CDH20: variants seen among roughly 807,000 people sequenced by gnomAD.
CDH20 encodes the protein cadherin 20, also known as cadherin-20.
Under a neutral mutation model 74.2 loss-of-function variants are expected in CDH20, and 29 were observed. The observed-to-expected ratio is 0.39, with a 90% CI of 0.29 to 0.53. CDH20 has a LOEUF of 0.53. Ranked by LOEUF, CDH20 falls within the 20% of genes least tolerant of loss-of-function variation. The probability of loss-of-function intolerance (pLI) is 0.69; values close to 1 mark genes in which losing one functional copy is unlikely to be tolerated. For missense variants in CDH20, 988 were observed against 1,048.3 expected (o/e 0.94, Z 0.79); for synonymous variants, 469 against 405.4 (o/e 1.16, Z -1.88).
chr18:61,393,883 C>G (rs993248652), intron 1 of CDH20, among the ~76,000 whole-genome samples: 1 of 152,136 alleles, frequency 6.6e-6, no homozygotes, highest in African/African-American at 2.4e-5. Flanking sequence ...GTTGGCAGAC[C>G]TGCAGCAGGC....
chr18:61,439,749 C>T (rs1463146333), intron 1 of CDH20, among the ~76,000 whole-genome samples: 1 of 152,058 alleles, frequency 6.6e-6, no homozygotes, highest in Admixed American at 6.6e-5. Flanking sequence ...AAGGAAACCT[C>T]ACTAAATATG....
At position 61,386,530 on chromosome 18, in the gene CDH20, G is replaced by A. The variant is rs530572407; in HGVS notation, c.-153+52703G>A. Among the ~76,000 whole-genome samples, 4 of 152,220 alleles carry A rather than the reference G, an allele frequency of 2.6e-5. No individual in the cohort carries two copies. In the East Asian group the frequency reaches 5.8e-4, roughly 22 times the overall value. ...GATACTTTGTTGTAGAAGCCCAAAC[G>A]AATTAAGACACCCTTTGGTGTAATA... On this transcript the variant is annotated intron_variant, in intron 1 of 11. Transcript: ENST00000262717.
At chr18:61,367,345 A>G (rs900422410) in intron 1 of CDH20, among the ~76,000 whole-genome samples, 19 of 152,204 alleles carry the variant, frequency 1.2e-4, no homozygotes, top group African/African-American at 4.3e-4. Flanking sequence ...TTTCATACTA[A>G]GAGAAATTAA....
At chr18:61,508,497 G>C (rs890712032) in intron 6 of CDH20, among the ~76,000 whole-genome samples, 2 of 143,690 alleles carry the variant, frequency 1.4e-5, no homozygotes, top group Non-Finnish European at 3.0e-5. Flanking sequence ...TTGGATGGTT[G>C]GCTAAATGCC....
chr18:61,509,797 T>A (rs1447374345), intron 6 of CDH20, among the ~76,000 whole-genome samples: 2 of 152,038 alleles, frequency 1.3e-5, no homozygotes, highest in African/African-American at 4.8e-5. Context: ...ATGATGAGGG[T>A]TTCACCTAAG....
chr18:61,432,487 A>T (rs560937291), intron 1 of CDH20, among the ~76,000 whole-genome samples: 10 of 151,938 alleles, frequency 6.6e-5, no homozygotes, highest in Admixed American at 5.9e-4. Context: ...CTAAATAACC[A>T]CTCTTTGGAG....
At chr18:61,473,810 A>T (rs916444009) in intron 1 of CDH20, among the ~76,000 whole-genome samples, 2 of 152,162 alleles carry the variant, frequency 1.3e-5, no homozygotes, top group African/African-American at 4.8e-5. Context: ...GCTACCTGGG[A>T]TCAATCAGCA....
chr18:61,541,339 T>G (rs1181591730), intron 9 of CDH20, among the ~76,000 whole-genome samples: 1 of 151,796 alleles, frequency 6.6e-6, no homozygotes, highest in African/African-American at 2.4e-5. Flanking sequence ...AATATTTTGT[T>G]ATGATAAAAT....
At chr18:61,354,609 AAAAT>A (rs1160746625) in intron 1 of CDH20, among the ~76,000 whole-genome samples, 1 of 150,544 alleles carries the variant, frequency 6.6e-6, no homozygotes, top group Non-Finnish European at 1.5e-5. Context: ...ACTTCATCTC[AAAAT>A]AAATAAATAA....
In CDH20 at chr18:61,531,168, G is replaced by A. The variant is rs576732133; in HGVS notation, c.1271+2948G>A. Among the ~76,000 whole-genome samples the A allele has an allele frequency of 2.0e-5, 3 of 152,300 alleles. No individual in the cohort carries two copies. In the South Asian group the frequency reaches 6.2e-4, roughly 32 times the overall value. ...TTATTCCCTCAATTCTGGCCCCATT[G>A]GGGAAATCAGAGAGGGATTCCCCTC... On this transcript the variant is annotated intron_variant, in intron 7 of 11. Coordinates refer to ENST00000262717, the MANE Select transcript of CDH20 (RefSeq NM_031891.4).
intron 1 of CDH20, among the ~76,000 whole-genome samples, chr18:61,471,384 C>A (rs750629929): frequency 7.2e-5 from 11 of 152,244 alleles, no homozygotes; most frequent in Admixed American, 1.3e-4. Context: ...CGTGACATAC[C>A]AGAAATTATA....
chr18:61,452,396 C>A (rs950347175), intron 1 of CDH20, among the ~76,000 whole-genome samples: 1 of 152,080 alleles, frequency 6.6e-6, no homozygotes, highest in Non-Finnish European at 1.5e-5. Context: ...ATGGCTGGAT[C>A]GTTCTACGTT....
At chr18:61,546,601 C>T (rs1913260462) in intron 10 of CDH20, among the ~76,000 whole-genome samples, 1 of 152,174 alleles carries the variant, frequency 6.6e-6, no homozygotes, top group Non-Finnish European at 1.5e-5. Context: ...GGGAAAATAA[C>T]ACATTGTAAC....
chr18:61,548,014 AT>A (rs1190358470), intron 10 of CDH20, among the ~76,000 whole-genome samples: 1 of 152,092 alleles, frequency 6.6e-6, no homozygotes, highest in African/African-American at 2.4e-5. Context: ...AACCAAAAAA[AT>A]AAAAAAAAAG....
rs1021528101 is a variant in CDH20 at position 61,553,754 on chromosome 18, T to C, written c.1901-436T>C. Among the ~76,000 whole-genome samples the C allele has an allele frequency of 2.0e-5, 3 of 152,244 alleles. No individual in the cohort carries two copies. The East Asian group carries it at 5.8e-4, about 29-fold the overall frequency. On this transcript the variant is annotated intron_variant, in intron 11 of 11. Transcript: ENST00000262717. ...TAATATACGGAAGCAGAATTCCACC[T>C]ACATAATAAGACTTTCACATTATAA...
At chr18:61,388,606 T>G (rs1911674953) in intron 1 of CDH20, among the ~76,000 whole-genome samples, 1 of 152,202 alleles carries the variant, frequency 6.6e-6, no homozygotes, top group Admixed American at 6.6e-5. Context: ...CAGCTCATTA[T>G]TTTTCACAAT....
chr18:61,374,781 C>A (rs1387748868), intron 1 of CDH20, among the ~76,000 whole-genome samples: 1 of 152,080 alleles, frequency 6.6e-6, no homozygotes, highest in East Asian at 1.9e-4. Flanking sequence ...CCTGTCTACA[C>A]AAAGCAAGCA....
At chr18:61,431,656 T>C (rs1568136617) in intron 1 of CDH20, among the ~76,000 whole-genome samples, 1 of 122,518 alleles carries the variant, frequency 8.2e-6, no homozygotes, top group Non-Finnish European at 1.8e-5. Context: ...GTTCAATAAA[T>C]GATAGCCCTA....
At position 61,413,682 on chromosome 18, in the gene CDH20, G is replaced by T. The variant is rs1433005352; in HGVS notation, c.-152-76720G>T. Among the ~76,000 whole-genome samples, 9 of 151,814 alleles carry T rather than the reference G, an allele frequency of 5.9e-5. No individual in the cohort carries two copies. In the East Asian group the frequency reaches 1.7e-3, roughly 29 times the overall value. The stretch of plus-strand genomic sequence containing the variant: ...AATATATTTTTTATATCCTCTGTAG[G>T]TGTTCTGAAAGGAACCTATTGGTGG... On this transcript the variant is annotated intron_variant, in intron 1 of 11. Coordinates refer to ENST00000262717, the MANE Select transcript of CDH20 (RefSeq NM_031891.4).
Sources: allele counts gnomAD v4.1 joint callset (sites outside exome capture counted in the v4.1 genomes callset), GRCh38; gene constraint gnomAD v4.1.1; transcripts MANE v1.5; gene names NCBI Gene and HGNC (gene_info 2026-07-23, HGNC 2026-07-21).